The following TM9SF2 variants were observed in gnomAD, a reference collection of about 807,000 sequenced individuals.
TM9SF2 encodes the protein 76 kDa membrane protein.
In TM9SF2, 13 loss-of-function variants were observed where a neutral mutation model predicts 84.9. The observed-to-expected ratio is 0.15, with a 90% CI of 0.10 to 0.24. The LOEUF (loss-of-function observed/expected upper bound fraction) is 0.24. TM9SF2 is among the 10% of genes least tolerant of loss of function. The probability of loss-of-function intolerance (pLI) is 1.00; values close to 1 mark genes in which losing one functional copy is unlikely to be tolerated. For missense variants in TM9SF2, 562 were observed against 818.5 expected (o/e 0.69, Z 3.82); for synonymous variants, 273 against 285.8 (o/e 0.96, Z 0.45).
intron 1 of TM9SF2, among the ~76,000 whole-genome samples, chr13:99,504,251 TA>T: frequency 6.6e-6 from 1 of 152,348 alleles, no homozygotes; most frequent in South Asian, 2.1e-4. Flanking sequence ...GAACTTCTTT[TA>T]AAAATTAGAA....
At chr13:99,555,411 C>A in intron 14 of TM9SF2, 125 bp from the exon 15 acceptor site, 1 of 675,206 alleles carries the variant, frequency 1.5e-6, no homozygotes, top group Non-Finnish European at 2.5e-6. Context: ...TGTGATAATT[C>A]GTCTTGTTTG....
intron 10 of TM9SF2, 43 bp from the exon 11 acceptor site, chr13:99,546,942 A>C (rs1456782369): frequency 1.2e-6 from 2 of 1,609,016 alleles, no homozygotes; most frequent in Admixed American, 3.3e-5. Flanking sequence ...AGCAAAGGAA[A>C]CAGAGTAATA....
chr13:99,513,325 A>G (rs185540622), intron 1 of TM9SF2, among the ~76,000 whole-genome samples: 2 of 152,346 alleles, frequency 1.3e-5, no homozygotes, highest in East Asian at 1.9e-4. Context: ...TCAAGGAGAT[A>G]GGTGATTCAG....
intron 11 of TM9SF2, among the ~76,000 whole-genome samples, chr13:99,547,796 G>C (rs1482071427): frequency 6.6e-6 from 1 of 152,154 alleles, no homozygotes; most frequent in Non-Finnish European, 1.5e-5. Flanking sequence ...GTCTCGTCTG[G>C]GATATACAGT....
At chr13:99,562,639 A>C in intron 16 of TM9SF2, 52 bp from the exon 17 acceptor site, 3 of 1,562,214 alleles carry the variant, frequency 1.9e-6, no homozygotes, top group Non-Finnish European at 2.6e-6. Context: ...TTTTTGTGTA[A>C]AGTATGAAAC....
chr13:99,535,936 CAACA>C (rs1235017765), intron 4 of TM9SF2, among the ~76,000 whole-genome samples: 15 of 152,282 alleles, frequency 9.9e-5, no homozygotes, highest in African/African-American at 3.6e-4. Context: ...GCTAGCTTTG[CAACA>C]GTATTTCTTT....
intron 5 of TM9SF2, among the ~76,000 whole-genome samples, chr13:99,537,273 C>T (rs79071290): frequency 0.025 from 3,837 of 152,060 alleles, 160 homozygotes; most frequent in African/African-American, 0.086. Context: ...GGATCTGATT[C>T]AGTGGAAGGT....
At chr13:99,556,740 T>C (rs1363590664) in intron 15 of TM9SF2, among the ~76,000 whole-genome samples, 2 of 152,062 alleles carry the variant, frequency 1.3e-5, no homozygotes, top group Non-Finnish European at 2.9e-5. Flanking sequence ...CCTGCCACCA[T>C]GCCTGGCTAA....
At chr13:99,511,251 G>A (rs191158220) in intron 1 of TM9SF2, among the ~76,000 whole-genome samples, 74 of 152,150 alleles carry the variant, frequency 4.9e-4, no homozygotes, top group Admixed American at 4.1e-3. Context: ...AGAATCAACA[G>A]TTGTTTACAT....
At chr13:99,536,774 C>T (rs1425213303) in intron 5 of TM9SF2, 37 bp downstream of exon 5, 1 of 1,606,810 alleles carries the variant, frequency 6.2e-7, no homozygotes, top group African/African-American at 1.3e-5. Context: ...CTTTTTAAAA[C>T]ATGGCTTTTG....
chr13:99,557,306 T>A (rs1279916899), intron 15 of TM9SF2, among the ~76,000 whole-genome samples: 2 of 152,352 alleles, frequency 1.3e-5, no homozygotes, highest in Non-Finnish European at 2.9e-5. Context: ...TGTACTTGTG[T>A]TTGTTAGCCA....
At position 99,549,179 on chromosome 13, in the gene TM9SF2, A is replaced by G. The variant is rs781304403; in HGVS notation, c.1285A>G (p.Lys429Glu). The change falls in exon 12 of 17, where the codon AAG becomes GAG. Residue 429 changes from lysine (K) to glutamate (E), a missense_variant. Lys to Glu is a moderately conservative substitution (Grantham distance 56). Around this residue, in one of 4 missense-constraint regions of TM9SF2, gnomAD observed 219 missense variants for 338.1 expected, o/e 0.65. Coordinates refer to ENST00000376387, the MANE Select transcript of TM9SF2 (RefSeq NM_004800.3). ...TTCTTCTATAGCCTTTGGAGGTGAGAAGTGGAAAACAAATGTTTTATTAAC... is the reference window on the plus strand; with the variant it reads ...TTCTTCTATAGCCTTTGGAGGTGAGGAGTGGAAAACAAATGTTTTATTAAC... Reference protein sequence around the residue: ...ARFYKSFGGEKWKTNVLLTSF... With the variant: ...ARFYKSFGGEEWKTNVLLTSF... 1.2e-6 allele frequency: 2 copies of G among 1,613,138 alleles called. No individual in the cohort carries two copies. The highest frequency in any genetic ancestry group is 3.3e-5 in the Admixed American group (2 of 59,952).
intron 16 of TM9SF2, among the ~76,000 whole-genome samples, chr13:99,560,330 G>A (rs1002893284): frequency 3.3e-5 from 5 of 152,180 alleles, no homozygotes; most frequent in South Asian, 2.1e-4. Flanking sequence ...TTCAGAGCCT[G>A]GAGTCGGGTT....
intron 11 of TM9SF2, among the ~76,000 whole-genome samples, chr13:99,548,627 A>G (rs2046293719): frequency 6.6e-6 from 1 of 152,174 alleles, no homozygotes; most frequent in Non-Finnish European, 1.5e-5. Context: ...ATATTAGCAA[A>G]CATGGTCTGT....
At chr13:99,532,512 A>G (rs1206887207) in intron 4 of TM9SF2, among the ~76,000 whole-genome samples, 1 of 151,990 alleles carries the variant, frequency 6.6e-6, no homozygotes, top group Non-Finnish European at 1.5e-5. Context: ...CAACATGGCG[A>G]AACCCCATCT....
chr13:99,542,149 C>CAAA (rs111678997), intron 9 of TM9SF2, among the ~76,000 whole-genome samples: 4 of 113,266 alleles, frequency 3.5e-5, no homozygotes, highest in African/African-American at 9.7e-5. Flanking sequence ...GACTCTGTCT[C>CAAA]AAAAAAAAAA....
At chr13:99,531,839 C>T (rs1369615678) in intron 4 of TM9SF2, among the ~76,000 whole-genome samples, 1 of 152,162 alleles carries the variant, frequency 6.6e-6, no homozygotes, top group Non-Finnish European at 1.5e-5. Flanking sequence ...TTTGCTAGAT[C>T]AATGCATATC....
intron 3 of TM9SF2, among the ~76,000 whole-genome samples, chr13:99,524,774 G>T (rs1461421539): frequency 2.0e-5 from 3 of 151,928 alleles, no homozygotes; most frequent in Non-Finnish European, 4.4e-5. Context: ...TGTTGGTCAG[G>T]CTGGTCTCGA....
chr13:99,523,205 G>T (rs993344424), intron 3 of TM9SF2, among the ~76,000 whole-genome samples: 9 of 152,124 alleles, frequency 5.9e-5, no homozygotes, highest in African/African-American at 1.9e-4. Flanking sequence ...TCACGCTGTG[G>T]CCTGGGCTGG....
Sources: allele counts gnomAD v4.1 joint callset (sites outside exome capture counted in the v4.1 genomes callset), GRCh38; gene constraint gnomAD v4.1.1; regional missense constraint gnomAD v4.1.1; transcripts MANE v1.5; gene names NCBI Gene and HGNC (gene_info 2026-07-23, HGNC 2026-07-21).